Variants in ARK2C observed in about 807,000 individuals in gnomAD.
ARK2C encodes the protein E3 ubiquitin-protein ligase ARK2C.
chr18:46,346,935 T>C, the ARK2C span, among the ~76,000 whole-genome samples: 1 of 152,218 alleles, frequency 6.6e-6, no homozygotes, highest in Middle Eastern at 3.2e-3. Context: ...CTGTGACCTG[T>C]AGCCTAACTG....
the ARK2C span, among the ~76,000 whole-genome samples, chr18:46,368,324 C>G: frequency 0.68 from 102,364 of 151,612 alleles, 35,107 homozygotes; most frequent in African/African-American, 0.79. Context: ...TAAGCACTTA[C>G]TCTTCCCCCA....
chr18:46,383,192 C>A, the ARK2C span, among the ~76,000 whole-genome samples: 6 of 152,220 alleles, frequency 3.9e-5, no homozygotes, highest in African/African-American at 9.6e-5. Flanking sequence ...TGCCGTCAGG[C>A]CCCTCCCACC....
the ARK2C span, among the ~76,000 whole-genome samples, chr18:46,351,928 C>T: frequency 6.6e-6 from 1 of 152,136 alleles, no homozygotes; most frequent in Admixed American, 6.5e-5. Context: ...AAGAGGTCCT[C>T]CTGCACCGTG....
At chr18:46,334,291 T>A in the ARK2C span, 1 of 1,578,230 alleles carries the variant, frequency 6.3e-7, no homozygotes. The surrounding 1 kb of genome is among the most constrained non-coding windows in gnomAD (Gnocchi z 4.4). Context: ...CTGGTCCACG[T>A]CGGCTATCTC....
the ARK2C span, among the ~76,000 whole-genome samples, chr18:46,390,766 A>C: frequency 2.0e-5 from 3 of 152,168 alleles, no homozygotes; most frequent in East Asian, 5.8e-4. Flanking sequence ...CTCAGGTTCC[A>C]GTTGCACCAC....
At chr18:46,433,904 T>C in the ARK2C span, among the ~76,000 whole-genome samples, 1 of 152,186 alleles carries the variant, frequency 6.6e-6, no homozygotes, top group Admixed American at 6.5e-5. Context: ...CCCCTCCAGC[T>C]TTATGACTGC....
chr18:46,351,533 C>A, the ARK2C span, among the ~76,000 whole-genome samples: 1 of 152,186 alleles, frequency 6.6e-6, no homozygotes, highest in Admixed American at 6.5e-5. Context: ...CTGCCATTGT[C>A]CTCCCTCAGC....
At chr18:46,389,735 CT>C in the ARK2C span, among the ~76,000 whole-genome samples, 44 of 146,886 alleles carry the variant, frequency 3.0e-4, no homozygotes, top group Middle Eastern at 3.5e-3. Context: ...CATTTCTTTC[CT>C]TTTTTTTTTT....
chr18:46,361,184 T>C, the ARK2C span, among the ~76,000 whole-genome samples: 1 of 152,082 alleles, frequency 6.6e-6, no homozygotes, highest in Non-Finnish European at 1.5e-5. Flanking sequence ...CTTTTGAAAC[T>C]CCTTAGAGCC....
At chr18:46,403,157 G>A in the ARK2C span, among the ~76,000 whole-genome samples, 16 of 152,300 alleles carry the variant, frequency 1.1e-4, no homozygotes, top group East Asian at 9.6e-4. Context: ...TTGTTGGTTC[G>A]TCTGTGCTTC....
the ARK2C span, among the ~76,000 whole-genome samples, chr18:46,371,189 T>C: frequency 6.6e-5 from 10 of 152,140 alleles, no homozygotes; most frequent in South Asian, 8.3e-4. Flanking sequence ...ACAGCTCCCA[T>C]GAATCAATTA....
the ARK2C span, among the ~76,000 whole-genome samples, chr18:46,412,814 C>A: frequency 2.6e-5 from 4 of 152,068 alleles, no homozygotes; most frequent in African/African-American, 9.7e-5. Context: ...CTTCAGATGG[C>A]ACACCTGTGG....
At chr18:46,438,645 C>G in the ARK2C span, among the ~76,000 whole-genome samples, 1 of 152,232 alleles carries the variant, frequency 6.6e-6, no homozygotes, top group Non-Finnish European at 1.5e-5. Flanking sequence ...CCCAACTGGA[C>G]AGCCAAGGTC....
At chr18:46,391,467 C>G in the ARK2C span, among the ~76,000 whole-genome samples, 1 of 152,108 alleles carries the variant, frequency 6.6e-6, no homozygotes, top group Non-Finnish European at 1.5e-5. Flanking sequence ...TGCCGCTATT[C>G]CACCCTCAGT....
At chr18:46,338,219 T>C in the ARK2C span, among the ~76,000 whole-genome samples, 1 of 152,202 alleles carries the variant, frequency 6.6e-6, no homozygotes, top group Non-Finnish European at 1.5e-5. Context: ...GAAGCCATGA[T>C]CTGGAATTTT....
the ARK2C span, among the ~76,000 whole-genome samples, chr18:46,408,499 C>A: frequency 6.6e-6 from 1 of 152,222 alleles, no homozygotes; most frequent in African/African-American, 2.4e-5. Flanking sequence ...CCCATTAAAA[C>A]CCACCAGCAG....
chr18:46,433,498 C>A, the ARK2C span: 1 of 1,605,450 alleles, frequency 6.2e-7, no homozygotes, highest in Non-Finnish European at 8.5e-7. Context: ...GCTGGTCTCG[C>A]ACCCCAGGTT....
the ARK2C span, among the ~76,000 whole-genome samples, chr18:46,449,884 C>G: frequency 1.3e-5 from 2 of 152,202 alleles, no homozygotes; most frequent in Non-Finnish European, 2.9e-5. Flanking sequence ...GGAATGGACT[C>G]TGCCACCCAA....
the ARK2C span, chr18:46,385,896 A>G: frequency 6.6e-6 from 1 of 152,244 alleles, no homozygotes; most frequent in African/African-American, 2.4e-5. Flanking sequence ...ATACATGCCA[A>G]GAAGACTGTA....
Sources: allele counts gnomAD v4.1 joint callset (sites outside exome capture counted in the v4.1 genomes callset), GRCh38; gene constraint gnomAD v4.1.1; non-coding constraint Gnocchi (gnomAD v3.1); transcripts MANE v1.5; gene names NCBI Gene and HGNC (gene_info 2026-07-23, HGNC 2026-07-21).